ANKRD36C: variants seen among roughly 807,000 people sequenced by gnomAD.
ANKRD36C encodes ankyrin repeat domain-containing protein 36C.
Under a neutral mutation model 276.4 loss-of-function variants are expected in ANKRD36C, and 61 were observed. The observed-to-expected ratio is 0.22, with a 90% CI of 0.18 to 0.27. The LOEUF is 0.27. Among genes scored for constraint, ANKRD36C ranks in the 10% least tolerant of loss-of-function variants. ANKRD36C has a pLI of 1.00. For synonymous variants in ANKRD36C, 483 were observed against 680.1 expected (o/e 0.71, Z 4.51); for missense variants, 1,447 against 2,032.3 (o/e 0.71, Z 5.54).
chr2:95,917,781 C>T, intron 36 of ANKRD36C, 74 bp downstream of exon 38: 1 of 1,522,994 alleles, frequency 6.6e-7, no homozygotes, highest in Non-Finnish European at 8.8e-7. Flanking sequence ...CCGCCCTCCG[C>T]TGATTTATTC....
exon 27 of ANKRD36C, chr2:95,927,408 C>G: frequency 6.2e-7 from 1 of 1,605,886 alleles, no homozygotes; most frequent in Non-Finnish European, 8.5e-7. Context: ...TCTGAGAAGA[C>G]ACTGAAAAGC....
At chr2:95,974,918 C>G (rs1678775077) in intron 6 of ANKRD36C, among the ~76,000 whole-genome samples, 2 of 151,242 alleles carry the variant, frequency 1.3e-5, no homozygotes, top group Middle Eastern at 3.4e-3. Context: ...GTTTTTTGTC[C>G]TTGCCATAGT....
intron 1 of ANKRD36C, among the ~76,000 whole-genome samples, chr2:95,990,473 A>G (rs1679115685): frequency 6.6e-6 from 1 of 152,218 alleles, no homozygotes; most frequent in Non-Finnish European, 1.5e-5. Flanking sequence ...TTAGTAAATA[A>G]CTTGTGGAAA....
chr2:95,923,208 G>A (rs1677318608), intron 32 of ANKRD36C, among the ~76,000 whole-genome samples: 1 of 151,522 alleles, frequency 6.6e-6, no homozygotes, highest in Non-Finnish European at 1.5e-5. Context: ...ACATGCTGTA[G>A]AATTAAAGCA....
chr2:95,852,030 A>T, intron 65 of ANKRD36C, 96 bp downstream of exon 85: 1 of 1,348,134 alleles, frequency 7.4e-7, no homozygotes. Context: ...CTTCACAAAG[A>T]CATACTAATT....
chr2:95,878,400 C>T (rs1676002515), intron 58 of ANKRD36C, among the ~76,000 whole-genome samples: 1 of 152,116 alleles, frequency 6.6e-6, no homozygotes. Flanking sequence ...ATCTCTAAGA[C>T]ACTTTCATGG....
At chr2:95,928,165 A>G (rs1037226851) in intron 26 of ANKRD36C, among the ~76,000 whole-genome samples, 1 of 151,694 alleles carries the variant, frequency 6.6e-6, no homozygotes, top group Non-Finnish European at 1.5e-5. Context: ...TTACATTCAG[A>G]AATCACTCCA....
chr2:95,880,970 G>A (rs1164913933), intron 56 of ANKRD36C, among the ~76,000 whole-genome samples: 3 of 152,128 alleles, frequency 2.0e-5, no homozygotes, highest in Non-Finnish European at 4.4e-5. Flanking sequence ...TGTAAAAGCT[G>A]GTGCTAACTG....
chr2:95,976,156 T>C lies in ANKRD36C; in HGVS notation c.799+1966A>G, dbSNP rs552312315. 3.3e-5 allele frequency among the ~76,000 whole-genome samples: 5 copies of C among 152,308 alleles called. No individual in the cohort carries two copies. In the East Asian group the frequency reaches 9.6e-4, roughly 29 times the overall value. Reference sequence around the variant, plus strand: ...AGGTGCTGGACAGGATGTGGAGAAATAGGAACACTTTTACTCTGTTGGTGG... The same window carrying C: ...AGGTGCTGGACAGGATGTGGAGAAACAGGAACACTTTTACTCTGTTGGTGG... On this transcript the variant is annotated intron_variant, in intron 6 of 66. Coordinates refer to ENST00000456556, the Ensembl canonical transcript of ANKRD36C.
chr2:95,957,015 TAA>T (rs953418656), intron 12 of ANKRD36C, among the ~76,000 whole-genome samples, 199 bp from the exon 13 acceptor site: 1 of 144,668 alleles, frequency 6.9e-6, no homozygotes, highest in African/African-American at 2.5e-5. Flanking sequence ...TTTAAAAAGT[TAA>T]AAAAAAAAAT....
chr2:95,962,457 G>A lies in ANKRD36C; in HGVS notation c.829-33C>T, dbSNP rs369694049. On this transcript the variant is annotated intron_variant, in intron 7 of 66. Transcript: ENST00000456556. ...GGATTTGAAACAAAATAATCAATACGTAAAGTATTTTTCACAGACTATATA... is the reference window on the plus strand; with the variant it reads ...GGATTTGAAACAAAATAATCAATACATAAAGTATTTTTCACAGACTATATA... 206 of 1,588,372 alleles carry A rather than the reference G, an allele frequency of 1.3e-4. No homozygotes were observed. The Admixed American group carries it at 1.5e-3, about 11-fold the overall frequency.
chr2:95,986,643 T>C, intron 3 of ANKRD36C, 108 bp downstream of exon 3: 1 of 1,197,644 alleles, frequency 8.3e-7, no homozygotes, highest in Non-Finnish European at 1.1e-6. Flanking sequence ...AATATTTTCA[T>C]TCAAGGAATG....
chr2:95,988,600 T>TA (rs1679078486), intron 1 of ANKRD36C, among the ~76,000 whole-genome samples: 3 of 152,148 alleles, frequency 2.0e-5, no homozygotes, highest in Non-Finnish European at 4.4e-5. Context: ...AATGCATACA[T>TA]ACAGTTGGGA....
chr2:95,916,245 A>T, intron 36 of ANKRD36C, 74 bp from the exon 39 acceptor site: 4 of 1,588,472 alleles, frequency 2.5e-6, no homozygotes, highest in Non-Finnish European at 3.4e-6. Flanking sequence ...ACACAGTGTT[A>T]GCATCAACCT....
intron 20 of ANKRD36C, among the ~76,000 whole-genome samples, chr2:95,940,071 T>TGCATTGGCACAATCTCGGCTC (rs1558648601): frequency 6.6e-6 from 1 of 152,288 alleles, no homozygotes; most frequent in Non-Finnish European, 1.5e-5. Context: ...TAGGCTGGAG[T>TGCATTGGCACAATCTCGGCTC]GCATTGGCAC....
intron 58 of ANKRD36C, among the ~76,000 whole-genome samples, chr2:95,879,502 T>C (rs1197009358): frequency 6.6e-6 from 1 of 151,182 alleles, no homozygotes; most frequent in Non-Finnish European, 1.5e-5. Flanking sequence ...GGATAACCCA[T>C]TAACCATGGT....
intron 44 of ANKRD36C, among the ~76,000 whole-genome samples, chr2:95,897,765 C>A (rs1425175088): frequency 1.9e-4 from 29 of 148,750 alleles, no homozygotes; most frequent in African/African-American, 4.7e-4. Flanking sequence ...TCAAAGTGAT[C>A]TAAAATCAGA....
At chr2:95,983,476 G>T (rs1469539104) in intron 3 of ANKRD36C, among the ~76,000 whole-genome samples, 3 of 150,684 alleles carry the variant, frequency 2.0e-5, no homozygotes, top group African/African-American at 7.3e-5. Context: ...TTTATTTTAG[G>T]TAAAATATCA....
rs377315698 is a variant in ANKRD36C at position 95,937,983 on chromosome 2, A to G, written c.1633+846T>C. On this transcript the variant is annotated intron_variant, in intron 22 of 66. Transcript: ENST00000456556. ...AAATCAAATATGTGGTGCAGTCATAAAACAAAACAAAGATGACCAAACTGT... is the reference window on the plus strand; with the variant it reads ...AAATCAAATATGTGGTGCAGTCATAGAACAAAACAAAGATGACCAAACTGT... Among the ~76,000 whole-genome samples the G allele has an allele frequency of 3.3e-5, 5 of 152,288 alleles. No individual in the cohort carries two copies. In the South Asian group the frequency reaches 1.0e-3, roughly 32 times the overall value.
Sources: allele counts gnomAD v4.1 joint callset (sites outside exome capture counted in the v4.1 genomes callset), GRCh38; gene constraint gnomAD v4.1.1; transcripts MANE v1.5; gene names NCBI Gene and HGNC (gene_info 2026-07-23, HGNC 2026-07-21).